The following XRCC4 variants were observed in gnomAD, a reference collection of about 807,000 sequenced individuals.
XRCC4 encodes the protein X-ray repair cross complementing 4.
XRCC4 carries 28 observed loss-of-function variants against 39.1 expected under a neutral mutation model. That is an observed-to-expected ratio of 0.72 (90% confidence interval 0.53 to 0.98). The LOEUF is 0.98. Among genes scored for constraint, XRCC4 ranks in the 50% least tolerant of loss-of-function variants. The pLI is 0.00. For missense variants in XRCC4, 350 were observed against 376.4 expected (o/e 0.93, Z 0.58); for synonymous variants, 123 against 126.4 (o/e 0.97, Z 0.18).
intron 6 of XRCC4, among the ~76,000 whole-genome samples, chr5:83,221,913 G>A (rs6452533): frequency 0.2 from 30,772 of 151,630 alleles, 7,012 homozygotes; most frequent in African/African-American, 0.57. Flanking sequence ...CTTTTTTATA[G>A]TTATGAAATA....
intron 7 of XRCC4, among the ~76,000 whole-genome samples, chr5:83,341,632 TAGA>T (rs1400174154): frequency 2.7e-4 from 41 of 151,750 alleles, no homozygotes; most frequent in Non-Finnish European, 5.3e-4. Context: ...TCCTCTGGAG[TAGA>T]AGTAAGAGTT....
At chr5:83,355,401 T>A (rs1238698697), downstream of XRCC4, among the ~76,000 whole-genome samples, 2 of 152,110 alleles carry the variant, frequency 1.3e-5, no homozygotes, top group Non-Finnish European at 2.9e-5. Flanking sequence ...TACCTCTCTA[T>A]CCCCAGTACT....
chr5:83,080,517 C>T (rs1404621518), intron 1 of XRCC4, among the ~76,000 whole-genome samples: 2 of 129,306 alleles, frequency 1.5e-5, no homozygotes, highest in Non-Finnish European at 3.4e-5. Context: ...CAGAGCGAGA[C>T]TCCATCTCAA....
chr5:83,333,519 A>G (rs1198765860), intron 7 of XRCC4, among the ~76,000 whole-genome samples: 1 of 152,196 alleles, frequency 6.6e-6, no homozygotes, highest in Admixed American at 6.6e-5. Flanking sequence ...ATAAGCAGAC[A>G]CAAAACACTT....
downstream of XRCC4, chr5:83,356,573 T>C (rs1757192280): frequency 7.2e-6 from 2 of 276,578 alleles, no homozygotes; most frequent in South Asian, 7.4e-5. Context: ...GCCTATAATC[T>C]TGGGTTCCTA....
chr5:83,297,391 G>C (rs545056927), intron 7 of XRCC4, among the ~76,000 whole-genome samples: 1 of 151,872 alleles, frequency 6.6e-6, no homozygotes, highest in Non-Finnish European at 1.5e-5. Context: ...ATGTATATGA[G>C]GATTGTAGAG....
intron 3 of XRCC4, among the ~76,000 whole-genome samples, chr5:83,183,291 T>A (rs1310155866): frequency 9.2e-5 from 14 of 152,174 alleles, no homozygotes; most frequent in Admixed American, 9.2e-4. Context: ...ACACATTTTT[T>A]AATTTATACA....
chr5:83,293,347 G>A (rs1415782460), intron 7 of XRCC4, among the ~76,000 whole-genome samples: 1 of 151,962 alleles, frequency 6.6e-6, no homozygotes, highest in Non-Finnish European at 1.5e-5. Context: ...CTTTTCTCAA[G>A]TTGGACGTAT....
chr5:83,168,283 A>G (rs2112609995), intron 3 of XRCC4, among the ~76,000 whole-genome samples: 1 of 152,304 alleles, frequency 6.6e-6, no homozygotes, highest in Non-Finnish European at 1.5e-5. Flanking sequence ...TGAAGGAAAT[A>G]AGTGCTAAGA....
rs918500528 is a variant in XRCC4 at position 83,126,892 on chromosome 5, C to T, written c.315+15689C>T. On this transcript the variant is annotated intron_variant, in intron 3 of 7. Coordinates refer to ENST00000396027, the MANE Select transcript of XRCC4 (RefSeq NM_003401.5). ...AGCCTTATGGTCTAACATTGTATGC[C>T]TTGTTGGGCTTTAGACATTTCTGGG... Among the ~76,000 whole-genome samples, 7 of 152,144 alleles carry T rather than the reference C, an allele frequency of 4.6e-5. No individual in the cohort carries two copies. In the East Asian group the frequency reaches 1.2e-3, roughly 25 times the overall value.
In XRCC4 at chr5:83,187,635, T is replaced by C. The variant is rs547474675; in HGVS notation, c.316-8135T>C. Among the ~76,000 whole-genome samples, 3 of 152,226 alleles carry C rather than the reference T, an allele frequency of 2.0e-5. No homozygotes were observed. In the East Asian group the frequency reaches 5.8e-4, roughly 29 times the overall value. ...AGTCACAGGCCAGACTGCTGTCCATTGGAGAGTATTTCAAGAGAGAATAGG... is the reference window on the plus strand; with the variant it reads ...AGTCACAGGCCAGACTGCTGTCCATCGGAGAGTATTTCAAGAGAGAATAGG... On this transcript the variant is annotated intron_variant, in intron 3 of 7. Transcript: ENST00000396027.
intron 4 of XRCC4, 79 bp downstream of exon 4, chr5:83,196,015 A>C: frequency 7.2e-7 from 1 of 1,388,430 alleles, no homozygotes; most frequent in Non-Finnish European, 9.6e-7. Flanking sequence ...ATGATTGGTA[A>C]ATTTCCAATA....
At chr5:83,079,632 G>A (rs1009791294) in intron 1 of XRCC4, among the ~76,000 whole-genome samples, 4 of 152,058 alleles carry the variant, frequency 2.6e-5, no homozygotes, top group African/African-American at 9.7e-5. Flanking sequence ...GGGCAGAAGC[G>A]ATCTATCCTC....
chr5:83,200,630 G>A (rs981562868), intron 4 of XRCC4, among the ~76,000 whole-genome samples: 2 of 152,042 alleles, frequency 1.3e-5, no homozygotes, highest in African/African-American at 4.8e-5. Context: ...ATTCAATCAA[G>A]AATTATTGAA....
intron 3 of XRCC4, among the ~76,000 whole-genome samples, chr5:83,165,341 C>T (rs181487240): frequency 1.3e-5 from 2 of 152,110 alleles, no homozygotes; most frequent in East Asian, 1.9e-4. Flanking sequence ...ATTATAGATA[C>T]AATTCCAATA....
chr5:83,340,300 C>T (rs1756716557), intron 7 of XRCC4, among the ~76,000 whole-genome samples: 1 of 152,026 alleles, frequency 6.6e-6, no homozygotes, highest in African/African-American at 2.4e-5. Flanking sequence ...CCACCCTCTT[C>T]CCCCAGAGAT....
At chr5:83,250,733 T>C (rs1158739357) in intron 6 of XRCC4, among the ~76,000 whole-genome samples, 2 of 152,232 alleles carry the variant, frequency 1.3e-5, no homozygotes. Flanking sequence ...GCTAGCCCTT[T>C]AATTTTCTCT....
At chr5:83,273,699 T>A (rs1199189348) in intron 7 of XRCC4, among the ~76,000 whole-genome samples, 4 of 152,208 alleles carry the variant, frequency 2.6e-5, no homozygotes, top group African/African-American at 7.2e-5. Flanking sequence ...CTTGTTTCTG[T>A]CAAGTTTGTC....
chr5:83,276,612 G>A (rs1001566189), intron 7 of XRCC4, among the ~76,000 whole-genome samples: 7 of 152,068 alleles, frequency 4.6e-5, no homozygotes, highest in Admixed American at 1.3e-4. Context: ...CACACAAATG[G>A]TCTCTCCAGA....
Sources: allele counts gnomAD v4.1 joint callset (sites outside exome capture counted in the v4.1 genomes callset), GRCh38; gene constraint gnomAD v4.1.1; transcripts MANE v1.5; gene names NCBI Gene and HGNC (gene_info 2026-07-23, HGNC 2026-07-21).